TOPAZ1: variants seen among roughly 807,000 people sequenced by gnomAD.
TOPAZ1 encodes protein TOPAZ1.
Under a neutral mutation model 172.2 loss-of-function variants are expected in TOPAZ1, and 66 were observed. The observed-to-expected ratio is 0.38, with a 90% CI of 0.31 to 0.47. The LOEUF (loss-of-function observed/expected upper bound fraction) is 0.47. Ranked by LOEUF, TOPAZ1 falls within the 20% of genes least tolerant of loss-of-function variation. The pLI is 0.99. For synonymous variants in TOPAZ1, 681 were observed against 683.9 expected, an observed-to-expected ratio of 1.00 and a Z score of 0.07; for missense variants, 1,822 against 1,972.4, an observed-to-expected ratio of 0.92 and a Z score of 1.44.
rs944200743 is a variant in TOPAZ1 at position 44,313,834 on chromosome 3, A to G, written c.4306+3844A>G. 3.3e-5 allele frequency among the ~76,000 whole-genome samples: 5 copies of G among 152,324 alleles called. No individual in the cohort carries two copies. The East Asian group carries it at 9.6e-4, about 29-fold the overall frequency. On this transcript the variant is annotated intron_variant, in intron 16 of 19. Coordinates refer to ENST00000309765, the MANE Select transcript of TOPAZ1 (RefSeq NM_001145030.2). ...GCAAACCCTAATCTAGCTATTCAGT[A>G]CATTCCATTCCAGGTCTTTTCTCTG...
At chr3:44,297,169 CAAA>C (rs35773194) in intron 12 of TOPAZ1, among the ~76,000 whole-genome samples, 2 of 135,554 alleles carry the variant, frequency 1.5e-5, no homozygotes. Context: ...AAGTCTGTCT[CAAA>C]AAAAAAAAAG....
At chr3:44,269,455 T>C (rs995837766) in intron 7 of TOPAZ1, among the ~76,000 whole-genome samples, 154 bp downstream of exon 7, 3 of 147,446 alleles carry the variant, frequency 2.0e-5, no homozygotes, top group Non-Finnish European at 4.5e-5. Flanking sequence ...ACCTTTTGAT[T>C]GTATTTCCCT....
At chr3:44,294,649 G>A (rs1330257655) in intron 12 of TOPAZ1, among the ~76,000 whole-genome samples, 1 of 152,172 alleles carries the variant, frequency 6.6e-6, no homozygotes, top group Non-Finnish European at 1.5e-5. Context: ...CTACAGGCAC[G>A]TGCCATTGTG....
intron 8 of TOPAZ1, among the ~76,000 whole-genome samples, chr3:44,272,747 G>C (rs1699911850): frequency 6.6e-6 from 1 of 152,088 alleles, no homozygotes; most frequent in African/African-American, 2.4e-5. Context: ...TTTTAGTAGA[G>C]ACACAGTTTC....
downstream of TOPAZ1, among the ~76,000 whole-genome samples, chr3:44,333,865 A>G (rs957020078): frequency 5.9e-5 from 9 of 152,244 alleles, no homozygotes; most frequent in African/African-American, 2.2e-4. Context: ...AGGATGCAGC[A>G]GGGCGCTTCA....
At chr3:44,246,267 A>G (rs1442648174) in intron 2 of TOPAZ1, among the ~76,000 whole-genome samples, 1 of 131,602 alleles carries the variant, frequency 7.6e-6, no homozygotes, top group Non-Finnish European at 1.7e-5. Context: ...TTTGGCCCCA[A>G]ATTGATTTAA....
At chr3:44,256,102 A>G (rs1236707585) in intron 3 of TOPAZ1, 49 bp from the exon 4 acceptor site, 2 of 1,380,678 alleles carry the variant, frequency 1.4e-6, no homozygotes, top group Non-Finnish European at 1.9e-6. Context: ...TGAATAACTC[A>G]GTTATTTTGT....
At chr3:44,306,741 C>A (rs769188174) in intron 15 of TOPAZ1, among the ~76,000 whole-genome samples, 32 of 152,004 alleles carry the variant, frequency 2.1e-4, no homozygotes, top group Non-Finnish European at 3.8e-4. Context: ...TAAATAAAAT[C>A]TCAGTATAGA....
Position 44,244,721 on chromosome 3 carries a change from A to T in TOPAZ1, c.2215A>T (p.Met739Leu). The change falls in exon 2 of 20, where the codon ATG (methionine) becomes TTG (leucine). Residue 739 changes from methionine to leucine, a missense_variant. Met to Leu is a conservative substitution (Grantham distance 15, BLOSUM62 2). Transcript: ENST00000309765. Reference protein sequence around the residue: ...NRSKENVSMMMLGPQTLSIRN... With the variant: ...NRSKENVSMMLLGPQTLSIRN... Reference sequence around the variant, plus strand: ...GAGTAAAGAAAATGTCTCCATGATGATGTTAGGACCTCAAACTTTGAGCAT... The same window carrying T: ...GAGTAAAGAAAATGTCTCCATGATGTTGTTAGGACCTCAAACTTTGAGCAT... 1 of 1,551,520 alleles carries T rather than the reference A, an allele frequency of 6.4e-7. No individual in the cohort carries two copies. The highest frequency in any genetic ancestry group is 1.2e-5 in the South Asian group (1 of 84,026).
chr3:44,295,651 A>G (rs2125695735), intron 12 of TOPAZ1, among the ~76,000 whole-genome samples: 1 of 152,322 alleles, frequency 6.6e-6, no homozygotes, highest in African/African-American at 2.4e-5. Context: ...GAGGGACACT[A>G]CATAATAAGA....
At chr3:44,280,269 T>C (rs570194414) in intron 8 of TOPAZ1, among the ~76,000 whole-genome samples, 1 of 151,978 alleles carries the variant, frequency 6.6e-6, no homozygotes, top group African/African-American at 2.4e-5. Flanking sequence ...TAGATGCTTT[T>C]TTTTTTCCTT....
chr3:44,291,383 A>T (rs1048662732), intron 12 of TOPAZ1, among the ~76,000 whole-genome samples: 1 of 151,744 alleles, frequency 6.6e-6, no homozygotes, highest in Non-Finnish European at 1.5e-5. Flanking sequence ...CAGGCGGATC[A>T]CAAGGTCAGG....
chr3:44,305,268 A>G lies in TOPAZ1; in HGVS notation c.3986A>G (p.Lys1329Arg), dbSNP rs1384157261. The change falls in exon 14 of 20, where the codon AAA becomes AGA. Residue 1329 changes from lysine (K) to arginine (R), a missense_variant. Lys to Arg is a conservative substitution (Grantham distance 26). Transcript: ENST00000309765. Reference protein sequence around the residue: ...FCACIAETLTKNYEDERPDIP... With the variant: ...FCACIAETLTRNYEDERPDIP... ...GCTTGCATTGCTGAAACACTCACAA[A>G]AAACTATGAAGATGAAAGACCAGAT... 1 of 1,544,294 alleles carries G rather than the reference A, an allele frequency of 6.5e-7. No individual in the cohort carries two copies.
chr3:44,287,728 A>G lies in TOPAZ1; in HGVS notation c.3589-19A>G. ...AAAAGAAGATCTGAAAATGAGTGTA[A>G]TTTTTTTGTTTTATCCAGCCTTCTC... is the stretch of plus-strand genomic sequence containing the variant. On this transcript the variant is annotated intron_variant, in intron 10 of 19. Coordinates refer to ENST00000309765, the MANE Select transcript of TOPAZ1 (RefSeq NM_001145030.2). 7.7e-7 allele frequency: 1 copy of G among 1,294,414 alleles called. No individual in the cohort carries two copies. The highest frequency in any genetic ancestry group is 1.4e-5 in the South Asian group (1 of 70,184). The allele number at this position is 1,294,414 out of a possible 1,614,324, so 80.2% of individuals were successfully genotyped here. A position where few individuals can be genotyped will look rare whatever the true frequency, so the allele number is the denominator to read the frequency against.
chr3:44,261,218 T>C (rs749823124), intron 4 of TOPAZ1, among the ~76,000 whole-genome samples: 3 of 152,158 alleles, frequency 2.0e-5, no homozygotes, highest in Non-Finnish European at 4.4e-5. Flanking sequence ...CGGTTTGTTA[T>C]GTTTTATGTT....
intron 19 of TOPAZ1, among the ~76,000 whole-genome samples, chr3:44,331,567 T>C (rs1278904762): frequency 6.6e-6 from 1 of 152,100 alleles, no homozygotes; most frequent in Non-Finnish European, 1.5e-5. Context: ...CCTCAAGCGA[T>C]CCCCCCAACC....
intron 12 of TOPAZ1, among the ~76,000 whole-genome samples, chr3:44,293,835 T>C (rs566520594): frequency 6.6e-6 from 1 of 152,236 alleles, no homozygotes; most frequent in African/African-American, 2.4e-5. Flanking sequence ...CTAGGAACAA[T>C]AGGCTATATC....
chr3:44,329,245 GTCCTGGC>G (rs752651899), intron 19 of TOPAZ1, among the ~76,000 whole-genome samples: 36 of 152,340 alleles, frequency 2.4e-4, no homozygotes, highest in Non-Finnish European at 4.9e-4. Flanking sequence ...TAGCTGGATG[GTCCTGGC>G]TCGGGAATTT....
At chr3:44,276,662 G>T (rs1459866443) in intron 8 of TOPAZ1, among the ~76,000 whole-genome samples, 18 of 49,980 alleles carry the variant, frequency 3.6e-4, no homozygotes, top group East Asian at 1.7e-3. Flanking sequence ...TTCCAGAATT[G>T]CTTGGCCTAT....
Sources: allele counts gnomAD v4.1 joint callset (sites outside exome capture counted in the v4.1 genomes callset), GRCh38; gene constraint gnomAD v4.1.1; transcripts MANE v1.5; gene names NCBI Gene and HGNC (gene_info 2026-07-23, HGNC 2026-07-21).